RSPO3: variants seen among roughly 807,000 people sequenced by gnomAD.
RSPO3 encodes R-spondin-3.
Under a neutral mutation model 36.5 loss-of-function variants are expected in RSPO3, and 17 were observed. The observed-to-expected ratio is 0.47, with a 90% CI of 0.32 to 0.70. The LOEUF is 0.70. Among genes scored for constraint, RSPO3 ranks in the 30% least tolerant of loss-of-function variants. The pLI, the probability that RSPO3 is intolerant of heterozygous loss-of-function variation, is 0.04. For synonymous variants in RSPO3, 108 were observed against 107.0 expected (o/e 1.01, Z -0.06); for missense variants, 294 against 322.5 (o/e 0.91, Z 0.68).
chr6:127,184,833 C>A (rs774668726), intron 4 of RSPO3, among the ~76,000 whole-genome samples: 2 of 151,898 alleles, frequency 1.3e-5, no homozygotes, highest in African/African-American at 2.4e-5. Flanking sequence ...AACCGGCTGT[C>A]TTGGAATTGA....
chr6:127,168,075 G>C (rs1397312983), intron 4 of RSPO3, among the ~76,000 whole-genome samples: 1 of 152,276 alleles, frequency 6.6e-6, no homozygotes, highest in African/African-American at 2.4e-5. Context: ...ATGTGAATAT[G>C]TCTTTATAGC....
At chr6:127,123,598 AC>A (rs1773886816) in intron 1 of RSPO3, among the ~76,000 whole-genome samples, 2 of 152,100 alleles carry the variant, frequency 1.3e-5, no homozygotes, top group African/African-American at 4.8e-5. Flanking sequence ...TCCGTTTATT[AC>A]TTTAATAGAA....
intron 1 of RSPO3, among the ~76,000 whole-genome samples, chr6:127,126,473 ACT>A (rs1220897051): frequency 4.6e-5 from 7 of 151,832 alleles, no homozygotes; most frequent in Admixed American, 2.0e-4. Flanking sequence ...TTTTTATAAT[ACT>A]CTCTGTGTTA....
At chr6:127,142,932 C>A (rs1289094748) in intron 1 of RSPO3, among the ~76,000 whole-genome samples, 1 of 151,594 alleles carries the variant, frequency 6.6e-6, no homozygotes, top group Non-Finnish European at 1.5e-5. Context: ...CCTCCCACCT[C>A]AGCCTCCTGA....
chr6:127,157,095 TG>T (rs1049109143), intron 4 of RSPO3, among the ~76,000 whole-genome samples: 3 of 152,162 alleles, frequency 2.0e-5, no homozygotes, highest in African/African-American at 7.2e-5. Context: ...AAAGGCCTTT[TG>T]GCATTTGTTA....
intron 1 of RSPO3, among the ~76,000 whole-genome samples, chr6:127,122,238 A>T (rs1327320434): frequency 6.6e-6 from 1 of 152,254 alleles, no homozygotes; most frequent in Non-Finnish European, 1.5e-5. Flanking sequence ...AAAAGAAACA[A>T]TGTTTTAAGA....
At position 127,119,298 on chromosome 6, in the gene RSPO3, A is replaced by G; in HGVS notation, c.97+9A>G. 6 of 1,606,602 alleles carry G rather than the reference A, an allele frequency of 3.7e-6. No homozygotes were observed. The highest frequency in any genetic ancestry group is 1.7e-5 in the Admixed American group (1 of 59,702). Reference sequence around the variant, plus strand: ...AAGGCGCCAGCGAAGAAGTAAGTGCAGGGTTTTTTACGCGTTTGCTCCCTC... The same window carrying G: ...AAGGCGCCAGCGAAGAAGTAAGTGCGGGGTTTTTTACGCGTTTGCTCCCTC... On this transcript the variant is annotated intron_variant, in intron 1 of 4. Transcript: ENST00000356698.
At chr6:127,152,591 T>C (rs1325757168) in intron 3 of RSPO3, among the ~76,000 whole-genome samples, 1 of 152,140 alleles carries the variant, frequency 6.6e-6, no homozygotes, top group African/African-American at 2.4e-5. Flanking sequence ...AGAAAGAATG[T>C]GTCTTTCTCA....
chr6:127,164,909 T>C (rs1312867752), intron 4 of RSPO3, among the ~76,000 whole-genome samples: 1 of 152,116 alleles, frequency 6.6e-6, no homozygotes, highest in Non-Finnish European at 1.5e-5. Flanking sequence ...TTTTCCTATT[T>C]TTGCAAAGAA....
In RSPO3 at chr6:127,197,585, T is replaced by G. The variant is rs897667189; in HGVS notation, c.*1578T>G. On this transcript the variant is annotated 3_prime_UTR_variant, in exon 5 of 5. Coordinates refer to ENST00000356698, the MANE Select transcript of RSPO3 (RefSeq NM_032784.5). ...AAGGATGCACGGCTGCTCTGTCCAC[T>G]GTGATTCCTAGCCCTCTCAAGATCA... 1.6e-5 allele frequency: 25 copies of G among 1,528,940 alleles called. No individual in the cohort carries two copies. In the African/African-American group the frequency reaches 3.4e-4, roughly 21 times the overall value. 94.7% of individuals were successfully genotyped at this position (1,528,940 alleles called of 1,614,324 possible).
chr6:127,135,865 T>A (rs1168693908), intron 1 of RSPO3, among the ~76,000 whole-genome samples: 2 of 148,838 alleles, frequency 1.3e-5, no homozygotes, highest in Non-Finnish European at 3.0e-5. Context: ...ATTTTGAGGC[T>A]GGAGTAAGCA....
intron 4 of RSPO3, among the ~76,000 whole-genome samples, chr6:127,162,272 G>T (rs1774723410): frequency 6.6e-6 from 1 of 152,134 alleles, no homozygotes; most frequent in Non-Finnish European, 1.5e-5. Flanking sequence ...AACTTACTTT[G>T]CAAGGTGGCA....
At chr6:127,122,627 C>G (rs963833175) in intron 1 of RSPO3, among the ~76,000 whole-genome samples, 6 of 152,106 alleles carry the variant, frequency 3.9e-5, no homozygotes, top group African/African-American at 1.4e-4. Flanking sequence ...CACCTTTATT[C>G]TATATTCTGG....
rs778586445 is a variant in RSPO3, at chr6:127,155,284, G to A, written c.480G>A (p.Thr160=). 80 of 1,613,700 alleles carry A rather than the reference G, an allele frequency of 5.0e-5. 1 individual carries two copies. The East Asian group carries it at 1.3e-3, about 26-fold the overall frequency. ...AATGGAATCCTTGGAGTCCATGCAC[G>A]AAGAAGGGAAAAACATGTGGCTTCA... ...VSEWNPWSPC[T]KKGKTCGFKR... is the part of the protein sequence containing the mutation. Residue 160 remains threonine, a synonymous_variant, in exon 4 of 5, where the codon ACG becomes ACA. Transcript: ENST00000356698.
intron 1 of RSPO3, among the ~76,000 whole-genome samples, chr6:127,124,246 C>T (rs1244011998): frequency 1.3e-5 from 2 of 152,082 alleles, no homozygotes; most frequent in African/African-American, 2.4e-5. Flanking sequence ...TTGGACATAT[C>T]TTGATCTCTC....
At chr6:127,187,138 T>G (rs192513628) in intron 4 of RSPO3, among the ~76,000 whole-genome samples, 1 of 152,064 alleles carries the variant, frequency 6.6e-6, no homozygotes, top group East Asian at 1.9e-4. Flanking sequence ...CAGGGTAGAG[T>G]ACGAGTGTTA....
rs925527357 is a variant in RSPO3 at position 127,160,991 on chromosome 6, CT to C, written c.634+5563del. Reference sequence around the variant, plus strand: ...TAGCTATATTACTCAACCCTTATTCCTTTTTTTTTTCTTTCCCACCACCTCC... The same window carrying C: ...TAGCTATATTACTCAACCCTTATTCCTTTTTTTTTCTTTCCCACCACCTCC... On this transcript the variant is annotated intron_variant, in intron 4 of 4. Transcript: ENST00000356698. Among the ~76,000 whole-genome samples, 135 of 149,058 alleles carry C rather than the reference CT, an allele frequency of 9.1e-4. 1 individual carries two copies. Among genetic ancestry groups the C allele is most frequent in the African/African-American group, 1.8e-3 (74 of 40,748 alleles).
rs748128541 is a variant in RSPO3, at chr6:127,150,533, T to G, written c.397T>G (p.Leu133Val). 1 of 1,611,752 alleles carries G rather than the reference T, an allele frequency of 6.2e-7. No homozygotes were observed. The highest frequency in any genetic ancestry group is 8.5e-7 in the Non-Finnish European group (1 of 1,178,824). ...GTGCCTTGACAATTGCCCAGAAGGG[T>G]TGGAAGCCAACAACCATACTATGGA... ...GKCLDNCPEG[L>V]EANNHTMECV... Residue 133 changes from leucine to valine, a missense_variant, in exon 3 of 5, where the codon TTG becomes GTG. This residue lies in a region of RSPO3 where 190 missense variants were observed against 185.2 expected (regional missense o/e 1.03). Coordinates refer to ENST00000356698, the MANE Select transcript of RSPO3 (RefSeq NM_032784.5).
At chr6:127,189,712 A>G (rs1363134326) in intron 4 of RSPO3, among the ~76,000 whole-genome samples, 1 of 152,210 alleles carries the variant, frequency 6.6e-6, no homozygotes, top group Non-Finnish European at 1.5e-5. Context: ...CCAAATTAAT[A>G]GCATTTAGTA....
Sources: gnomAD v4.1 joint callset for allele counts (sites outside exome capture counted in the v4.1 genomes callset) on GRCh38, gnomAD v4.1.1 for gene constraint, gnomAD v4.1.1 regional missense constraint, MANE v1.5 for transcripts, NCBI Gene and HGNC (gene_info 2026-07-23, HGNC 2026-07-21) for gene names.